AZIN2: variants seen among roughly 807,000 people sequenced by gnomAD.
AZIN2 encodes ODC antizyme inhibitor-2.
Under a neutral mutation model 47.8 loss-of-function variants are expected in AZIN2, and 28 were observed. The observed-to-expected ratio is 0.59, with a 90% CI of 0.43 to 0.80. AZIN2 has a LOEUF of 0.80. Ranked by LOEUF, AZIN2 falls within the 30% of genes least tolerant of loss-of-function variation. The probability of loss-of-function intolerance (pLI) is 0.00; values close to 1 mark genes in which losing one functional copy is unlikely to be tolerated. For missense variants in AZIN2, 535 were observed against 582.5 expected (o/e 0.92, Z 0.84); for synonymous variants, 221 against 239.4 (o/e 0.92, Z 0.71).
downstream of AZIN2, among the ~76,000 whole-genome samples, chr1:33,128,472 T>C (rs1208887247): frequency 1.3e-5 from 2 of 152,196 alleles, no homozygotes; most frequent in Non-Finnish European, 2.9e-5. Flanking sequence ...CATTTACAAA[T>C]TGAGAAATGA....
chr1:33,109,519 G>C (rs1644189094), intron 10 of AZIN2, among the ~76,000 whole-genome samples: 1 of 151,804 alleles, frequency 6.6e-6, no homozygotes, highest in African/African-American at 2.4e-5. Flanking sequence ...AGTAGAGACG[G>C]GGTTTCACCA....
chr1:33,119,222 G>A (rs1014204232), intron 11 of AZIN2: 1 of 153,318 alleles, frequency 6.5e-6, no homozygotes, highest in Admixed American at 6.5e-5. Context: ...TCAGGTGTGT[G>A]GGCCAGTGTG....
chr1:33,165,097 G>A, the AZIN2 span: 8 of 169,298 alleles, frequency 4.7e-5, no homozygotes, highest in Non-Finnish European at 1.3e-5. The surrounding 1 kb of genome is among the most constrained non-coding windows in gnomAD (Gnocchi z 4.0). Context: ...AGGGTTGGGC[G>A]GTTTTAATAA....
the AZIN2 span, chr1:33,164,034 C>G: frequency 6.6e-6 from 1 of 152,396 alleles, no homozygotes; most frequent in South Asian, 2.1e-4. Context: ...ATACTCCGCT[C>G]TCATACAGAG....
chr1:33,128,203 C>CAA (rs34284839), downstream of AZIN2, among the ~76,000 whole-genome samples: 1,518 of 83,632 alleles, frequency 0.018, 13 homozygotes, highest in African/African-American at 0.025. Context: ...CCCACCTCTC[C>CAA]AAAAAAAAAA....
the AZIN2 span, among the ~76,000 whole-genome samples, chr1:33,129,797 C>T: frequency 1.3e-5 from 2 of 152,072 alleles, no homozygotes; most frequent in African/African-American, 2.4e-5. The surrounding 1 kb of genome is among the most constrained non-coding windows in gnomAD (Gnocchi z 4.1). Flanking sequence ...GGTGATGTTC[C>T]GAAGTATCAG....
chr1:33,090,721 A>C (rs1642443158), intron 5 of AZIN2, among the ~76,000 whole-genome samples: 1 of 152,170 alleles, frequency 6.6e-6, no homozygotes, highest in South Asian at 2.1e-4. Context: ...CCTAAGGTCT[A>C]TTCTTTAGCA....
At chr1:33,140,036 A>G in the AZIN2 span, among the ~76,000 whole-genome samples, 1 of 152,138 alleles carries the variant, frequency 6.6e-6, no homozygotes, top group Non-Finnish European at 1.5e-5. The surrounding 1 kb of genome is among the most constrained non-coding windows in gnomAD (Gnocchi z 4.0). Context: ...CCGGAGGGTA[A>G]ATTTTGATGG....
At chr1:33,098,680 G>A (rs1643402896) in intron 10 of AZIN2, among the ~76,000 whole-genome samples, 1 of 152,098 alleles carries the variant, frequency 6.6e-6, no homozygotes, top group African/African-American at 2.4e-5. Context: ...AGGGCCTCCA[G>A]CAATTTTAAT....
At position 33,120,833 on chromosome 1, in the gene AZIN2, G is replaced by A. The variant is rs1249925483; in HGVS notation, c.*651G>A. Among the ~76,000 whole-genome samples the A allele has an allele frequency of 2.0e-5, 3 of 152,256 alleles. No individual in the cohort carries two copies. Among genetic ancestry groups the A allele is most frequent in the Non-Finnish European group, 4.4e-5 (3 of 68,048 alleles). On this transcript the variant is annotated 3_prime_UTR_variant, in exon 12 of 12. Transcript: ENST00000294517. ...AGCTTAAGGCCTGGCCCAGAGTAGG[G>A]GCAATGGAGTATTTAACACAGCTGT...
At position 33,121,133 on chromosome 1, in the gene AZIN2, C is replaced by T. The variant is rs1644785740; in HGVS notation, c.*951C>T. ...ACTGCCGGGTTCCCAAATTATGCCC[C>T]GGGGTGTGTGAGCTGTTGAGCAAAG... On this transcript the variant is annotated 3_prime_UTR_variant, in exon 12 of 12. Coordinates refer to ENST00000294517, the MANE Select transcript of AZIN2 (RefSeq NM_052998.4). Among the ~76,000 whole-genome samples the T allele has an allele frequency of 6.6e-6, 1 of 152,108 alleles. No individual in the cohort carries two copies. The highest frequency in any genetic ancestry group is 2.4e-5 in the African/African-American group (1 of 41,404).
chr1:33,092,392 C>G (rs908012462), intron 6 of AZIN2, among the ~76,000 whole-genome samples, 170 bp downstream of exon 6: 1 of 151,522 alleles, frequency 6.6e-6, no homozygotes, highest in Non-Finnish European at 1.5e-5. Flanking sequence ...GTCACCCTGT[C>G]CTGGACCCAG....
At chr1:33,102,308 CT>C (rs549582281) in intron 10 of AZIN2, among the ~76,000 whole-genome samples, 82 of 152,318 alleles carry the variant, frequency 5.4e-4, no homozygotes, top group African/African-American at 1.9e-3. Flanking sequence ...CCCGGAACTT[CT>C]TCCAGGGACT....
the AZIN2 span, among the ~76,000 whole-genome samples, chr1:33,155,449 A>G: frequency 1.3e-5 from 2 of 151,824 alleles, no homozygotes; most frequent in Middle Eastern, 3.2e-3. Flanking sequence ...GATGGAAGAA[A>G]CTCTGACCCC....
the AZIN2 span, among the ~76,000 whole-genome samples, chr1:33,162,020 T>A: frequency 6.6e-6 from 1 of 152,190 alleles, no homozygotes; most frequent in Admixed American, 6.5e-5. Context: ...CACACCCATT[T>A]TTCCAACAGT....
rs1570027023 is a variant in AZIN2, at chr1:33,096,951, C to T, written c.916+82C>T. The T allele has an allele frequency of 4.5e-6, 7 of 1,555,996 alleles. No individual in the cohort carries two copies. The East Asian group carries it at 1.1e-4, about 25-fold the overall frequency. On this transcript the variant is annotated intron_variant, in intron 9 of 11. Transcript: ENST00000294517. ...TGGCTGAGCAGGATCTGGTTTTAGACCCAGTGGCAGAGGATGGGGGAATCT... is the reference window on the plus strand; with the variant it reads ...TGGCTGAGCAGGATCTGGTTTTAGATCCAGTGGCAGAGGATGGGGGAATCT...
At chr1:33,123,828 C>T (rs986672506), downstream of AZIN2, among the ~76,000 whole-genome samples, 3 of 152,184 alleles carry the variant, frequency 2.0e-5, no homozygotes, top group Non-Finnish European at 4.4e-5. Context: ...GAAACCCCGT[C>T]TCTACTAAAA....
In AZIN2 at chr1:33,113,189, C is replaced by T. The variant is rs1337599455; in HGVS notation, c.1030-4713C>T. Among the ~76,000 whole-genome samples the T allele has an allele frequency of 6.6e-6, 1 of 152,152 alleles. No individual in the cohort carries two copies. The highest frequency in any genetic ancestry group is 1.5e-5 in the Non-Finnish European group (1 of 68,032). Reference sequence around the variant, plus strand: ...TTCACCGTGTTAACCAGGATGGTCTCGACCTCCTGACCTCATGATCTGCCT... The same window carrying T: ...TTCACCGTGTTAACCAGGATGGTCTTGACCTCCTGACCTCATGATCTGCCT... On this transcript the variant is annotated intron_variant, in intron 10 of 11. Coordinates refer to ENST00000294517, the MANE Select transcript of AZIN2 (RefSeq NM_052998.4). The surrounding 1 kb of genome is among the most constrained non-coding windows in gnomAD (Gnocchi z 4.1).
chr1:33,146,372 G>A, the AZIN2 span: 1 of 162,642 alleles, frequency 6.1e-6, no homozygotes, highest in Non-Finnish European at 1.4e-5. Context: ...GGTCACAGAG[G>A]CCTGGCTGAA....
Sources: gnomAD v4.1 joint callset for allele counts (sites outside exome capture counted in the v4.1 genomes callset) on GRCh38, gnomAD v4.1.1 for gene constraint, Gnocchi (gnomAD v3.1) non-coding constraint, MANE v1.5 for transcripts, NCBI Gene and HGNC (gene_info 2026-07-23, HGNC 2026-07-21) for gene names.